Variants in TP53BP1 observed in about 807,000 individuals in gnomAD.
TP53BP1 encodes the protein tumor protein p53 binding protein 1.
TP53BP1 carries 61 observed loss-of-function variants against 200.8 expected under a neutral mutation model. That is an observed-to-expected ratio of 0.30 (90% confidence interval 0.25 to 0.38). The LOEUF (loss-of-function observed/expected upper bound fraction) is 0.38. Among genes scored for constraint, TP53BP1 ranks in the 10% least tolerant of loss-of-function variants. The probability of loss-of-function intolerance (pLI) is 1.00; values close to 1 mark genes in which losing one functional copy is unlikely to be tolerated. For synonymous variants in TP53BP1, 822 were observed against 844.3 expected, an observed-to-expected ratio of 0.97 and a Z score of 0.46; for missense variants, 2,144 against 2,371.9, an observed-to-expected ratio of 0.90 and a Z score of 2.00.
rs373398001 is a variant in TP53BP1 at position 43,475,595 on chromosome 15, T to C, written c.1055A>G (p.Gln352Arg). The change falls in exon 9 of 28, where the codon CAG becomes CGG. Residue 352 changes from glutamine to arginine, a missense_variant. Physicochemically the swap from Gln to Arg is conservative, Grantham distance 43 (BLOSUM62 1). Transcript: ENST00000382044. ...TTLHLLQLSG[Q>R]RSLVQDSLST... The stretch of plus-strand genomic sequence containing the variant: ...AAGACTGTCCTGAACAAGGGACCTC[T>C]GACCAGAGAGCTGCAGGAGATGCAG... 6.2e-7 allele frequency: 1 copy of C among 1,614,142 alleles called. No homozygotes were observed. The highest frequency in any genetic ancestry group is 8.5e-7 in the Non-Finnish European group (1 of 1,180,034).
chr15:43,502,769 T>C (rs1411480972), intron 1 of TP53BP1, among the ~76,000 whole-genome samples: 1 of 151,682 alleles, frequency 6.6e-6, no homozygotes, highest in Non-Finnish European at 1.5e-5. Flanking sequence ...ATTTGTTTTT[T>C]TCTTGAGGCA....
intron 11 of TP53BP1, among the ~76,000 whole-genome samples, chr15:43,461,673 AT>A (rs113520136): frequency 0.18 from 26,541 of 145,240 alleles, 2,463 homozygotes; most frequent in Middle Eastern, 0.3. Context: ...TATACATTAT[AT>A]TTTTTTTTTT....
chr15:43,450,622 T>C (rs1012486336), intron 12 of TP53BP1, among the ~76,000 whole-genome samples: 4 of 152,228 alleles, frequency 2.6e-5, no homozygotes, highest in African/African-American at 4.8e-5. Flanking sequence ...TTGAACAAGA[T>C]TGGGCTTCCA....
intron 10 of TP53BP1, among the ~76,000 whole-genome samples, chr15:43,474,455 CAAA>C (rs398043214): frequency 5.1e-5 from 4 of 79,136 alleles, no homozygotes; most frequent in East Asian, 3.1e-4. Flanking sequence ...TGGGGTTAGA[CAAA>C]AAAAAAAAAA....
intron 4 of TP53BP1, among the ~76,000 whole-genome samples, chr15:43,481,472 C>A (rs1321062357): frequency 3.3e-5 from 5 of 150,356 alleles, no homozygotes; most frequent in Non-Finnish European, 7.4e-5. Context: ...CACACACACA[C>A]ACACACACAC....
At chr15:43,480,300 T>G (rs1353495899) in intron 5 of TP53BP1, among the ~76,000 whole-genome samples, 2 of 151,884 alleles carry the variant, frequency 1.3e-5, no homozygotes, top group Non-Finnish European at 2.9e-5. Flanking sequence ...ATACAAAAAT[T>G]AGCCAGGTGT....
At position 43,407,310 on chromosome 15, in the gene TP53BP1, A is replaced by T. The variant is rs1246037857; in HGVS notation, c.*73T>A. 7.5e-7 allele frequency: 1 copy of T among 1,330,208 alleles called. No individual in the cohort carries two copies. The highest frequency in any genetic ancestry group is 1.4e-5 in the African/African-American group (1 of 69,236). 82.4% of individuals were successfully genotyped at this position (1,330,208 alleles called of 1,614,324 possible). The stretch of plus-strand genomic sequence containing the variant: ...CATGCAAGGAATCCAGTTACACACA[A>T]GACACATTTAAAACCTGGTTAAAAC... On this transcript the variant is annotated 3_prime_UTR_variant, in exon 28 of 28. Transcript: ENST00000382044.
chr15:43,504,056 G>A (rs2079223814), intron 1 of TP53BP1, among the ~76,000 whole-genome samples: 1 of 152,140 alleles, frequency 6.6e-6, no homozygotes, highest in Non-Finnish European at 1.5e-5. Context: ...AGACCAAGAT[G>A]GGAGGATTGC....
chr15:43,403,768 G>T lies in TP53BP1; in HGVS notation c.*3615C>A, dbSNP rs769082991. 3 of 1,613,952 alleles carry T rather than the reference G, an allele frequency of 1.9e-6. No homozygotes were observed. In the South Asian group the frequency reaches 3.3e-5, roughly 18 times the overall value. ...CAGAACCTAGGCCCACTGGATGAGC[G>T]TGGAGCCGCCCAGCTGAGCATTCTC... On this transcript the variant is annotated 3_prime_UTR_variant, in exon 28 of 28. Transcript: ENST00000382044.
chr15:43,475,754 C>A, intron 8 of TP53BP1, 60 bp from the exon 9 acceptor site: 1 of 1,590,000 alleles, frequency 6.3e-7, no homozygotes, highest in South Asian at 1.1e-5. Context: ...TGCCAAAAAC[C>A]ATTCAGTACT....
intron 22 of TP53BP1, among the ~76,000 whole-genome samples, 189 bp from the exon 23 acceptor site, chr15:43,415,998 C>T (rs2045258236): frequency 6.6e-6 from 1 of 151,998 alleles, no homozygotes; most frequent in Non-Finnish European, 1.5e-5. Flanking sequence ...TGTTTAGTCC[C>T]CTATAGAACT....
chr15:43,485,984 A>G (rs1191138656), intron 4 of TP53BP1, among the ~76,000 whole-genome samples: 3 of 152,268 alleles, frequency 2.0e-5, no homozygotes, highest in Non-Finnish European at 4.4e-5. Context: ...TGATGGAAAG[A>G]GAAAACAAAG....
chr15:43,490,287 C>G (rs1266072031), intron 4 of TP53BP1, among the ~76,000 whole-genome samples: 1 of 151,956 alleles, frequency 6.6e-6, no homozygotes, highest in Admixed American at 6.6e-5. Flanking sequence ...CGGGTTTCAC[C>G]ACGTTGTCCA....
intron 15 of TP53BP1, chr15:43,441,161 C>A: frequency 5.8e-6 from 1 of 172,588 alleles, no homozygotes; most frequent in East Asian, 1.6e-4. Flanking sequence ...TATGCGATTG[C>A]AGAAGGAACA....
At position 43,404,241 on chromosome 15, in the gene TP53BP1, A is replaced by G; in HGVS notation, c.*3142T>C. On this transcript the variant is annotated 3_prime_UTR_variant, in exon 28 of 28. Transcript: ENST00000382044. ...TTCATAGGAAGTCATGCATGTATGGATTTGGTACAAGTCATTTTAGGAACT... is the reference window on the plus strand; with the variant it reads ...TTCATAGGAAGTCATGCATGTATGGGTTTGGTACAAGTCATTTTAGGAACT... 1 of 688,224 alleles carries G rather than the reference A, an allele frequency of 1.5e-6. No individual in the cohort carries two copies. The highest frequency in any genetic ancestry group is 2.4e-6 in the Non-Finnish European group (1 of 420,732). 42.6% of individuals were successfully genotyped at this position (688,224 alleles called of 1,614,324 possible). A position where few individuals can be genotyped will look rare whatever the true frequency, so the allele number is the denominator to read the frequency against.
At chr15:43,424,359 T>C (rs2045476965) in intron 18 of TP53BP1, among the ~76,000 whole-genome samples, 1 of 152,208 alleles carries the variant, frequency 6.6e-6, no homozygotes. Flanking sequence ...TCACCCTCTC[T>C]CATGCATGAA....
At chr15:43,499,876 G>C (rs1291776179) in intron 1 of TP53BP1, among the ~76,000 whole-genome samples, 3 of 152,182 alleles carry the variant, frequency 2.0e-5, no homozygotes, top group Non-Finnish European at 4.4e-5. Flanking sequence ...ATCTAGGAAG[G>C]AGATAAGACA....
chr15:43,483,038 A>G (rs1286257866), intron 4 of TP53BP1, among the ~76,000 whole-genome samples: 1 of 152,214 alleles, frequency 6.6e-6, no homozygotes, highest in East Asian at 1.9e-4. Flanking sequence ...CATCTTTGAG[A>G]CAACTGGGAA....
At chr15:43,422,639 T>C (rs1462900978) in intron 18 of TP53BP1, among the ~76,000 whole-genome samples, 2 of 152,162 alleles carry the variant, frequency 1.3e-5, no homozygotes, top group Non-Finnish European at 2.9e-5. Context: ...TGTTTTGACA[T>C]TGGTTATTTT....
Sources: gnomAD v4.1 joint callset for allele counts (sites outside exome capture counted in the v4.1 genomes callset) on GRCh38, gnomAD v4.1.1 for gene constraint, MANE v1.5 for transcripts, NCBI Gene and HGNC (gene_info 2026-07-23, HGNC 2026-07-21) for gene names.